Variants in GRK5 observed in about 807,000 individuals in gnomAD.
The protein encoded by GRK5 is G protein-coupled receptor kinase 5.
GRK5 carries 40 observed loss-of-function variants against 78.4 expected under a neutral mutation model. That is an observed-to-expected ratio of 0.51 (90% confidence interval 0.40 to 0.66). The LOEUF (loss-of-function observed/expected upper bound fraction) is 0.66. Among genes scored for constraint, GRK5 ranks in the 30% least tolerant of loss-of-function variants. The pLI is 0.00. For synonymous variants in GRK5, 289 were observed against 296.8 expected (o/e 0.97, Z 0.27); for missense variants, 598 against 759.9 (o/e 0.79, Z 2.50).
chr10:119,357,458 C>T (rs964725044), intron 2 of GRK5, among the ~76,000 whole-genome samples: 7 of 152,168 alleles, frequency 4.6e-5, no homozygotes, highest in South Asian at 4.1e-4. Context: ...TAATGAGACG[C>T]GGGTAACCCT....
At position 119,452,073 on chromosome 10, in the gene GRK5, C is replaced by A. The variant is rs1853298390; in HGVS notation, c.1405-598C>A. On this transcript the variant is annotated intron_variant, in intron 13 of 15. Transcript: ENST00000392870. The surrounding 1 kb of genome is among the most constrained non-coding windows in gnomAD (Gnocchi z 4.4). ...CCTGGCATAGAGCAGGCCCCCAGTGCACAGCTGAGGGACGAGTAAGGCAAA... is the reference window on the plus strand; with the variant it reads ...CCTGGCATAGAGCAGGCCCCCAGTGAACAGCTGAGGGACGAGTAAGGCAAA... Among the ~76,000 whole-genome samples the A allele has an allele frequency of 1.3e-5, 2 of 152,200 alleles. No homozygotes were observed. Among genetic ancestry groups the A allele is most frequent in the South Asian group, 4.1e-4 (2 of 4,830 alleles).
At chr10:119,435,188 T>A (rs1852894676) in intron 8 of GRK5, among the ~76,000 whole-genome samples, 1 of 152,260 alleles carries the variant, frequency 6.6e-6, no homozygotes, top group Non-Finnish European at 1.5e-5. Context: ...GGGGCTGCTG[T>A]GAAGACCTCT....
At chr10:119,373,978 A>G (rs1851587374) in intron 2 of GRK5, among the ~76,000 whole-genome samples, 1 of 152,086 alleles carries the variant, frequency 6.6e-6, no homozygotes, top group Admixed American at 6.5e-5. Context: ...AGTAGTAAAT[A>G]TCTCCCACTA....
At chr10:119,241,019 C>A (rs1399448824) in intron 1 of GRK5, among the ~76,000 whole-genome samples, 1 of 152,212 alleles carries the variant, frequency 6.6e-6, no homozygotes, top group Non-Finnish European at 1.5e-5. Flanking sequence ...GCTCTCAACC[C>A]TTTGCTGGGG....
chr10:119,390,505 G>A (rs542121780), intron 3 of GRK5, among the ~76,000 whole-genome samples: 1 of 152,226 alleles, frequency 6.6e-6, no homozygotes, highest in South Asian at 2.1e-4. Flanking sequence ...GACCAGCCTG[G>A]CCAATATGGT....
At position 119,318,767 on chromosome 10, in the gene GRK5, C is replaced by T. The variant is rs562920698; in HGVS notation, c.53-7749C>T. 7.4e-4 allele frequency among the ~76,000 whole-genome samples: 113 copies of T among 152,302 alleles called. 1 individual carries two copies. Among genetic ancestry groups the T allele is most frequent in the African/African-American group, 2.6e-3 (110 of 41,566 alleles). ...CTCCCCCATCCTCAGCTTCTCCCTT[C>T]TGTTCTCCACACCGGTTCATTTCAG... On this transcript the variant is annotated intron_variant, in intron 1 of 15. Coordinates refer to ENST00000392870, the MANE Select transcript of GRK5 (RefSeq NM_005308.3).
chr10:119,394,141 T>TGGGTGTGTGTG (rs1851940307), intron 3 of GRK5, among the ~76,000 whole-genome samples: 1 of 126,444 alleles, frequency 7.9e-6, no homozygotes, highest in African/African-American at 3.1e-5. Context: ...TGGGTATCTG[T>TGGGTGTGTGTG]GGGTATGTGT....
intron 2 of GRK5, among the ~76,000 whole-genome samples, chr10:119,355,614 T>C (rs1286806471): frequency 6.6e-6 from 1 of 152,214 alleles, no homozygotes; most frequent in Non-Finnish European, 1.5e-5. Context: ...CCCCTGTCTC[T>C]ATTAAAAATA....
At chr10:119,342,050 G>C (rs1191013017) in intron 2 of GRK5, among the ~76,000 whole-genome samples, 1 of 151,588 alleles carries the variant, frequency 6.6e-6, no homozygotes, top group African/African-American at 2.4e-5. Flanking sequence ...CGGCACAGCT[G>C]TCATGTCAGC....
intron 4 of GRK5, among the ~76,000 whole-genome samples, chr10:119,400,948 C>T (rs751540969): frequency 6.6e-6 from 1 of 152,142 alleles, no homozygotes; most frequent in Admixed American, 6.5e-5. Flanking sequence ...AGGATGAGGG[C>T]CGTGGGAAGG....
rs147173712 is a variant in GRK5 at position 119,389,662 on chromosome 10, G to A, written c.262-7033G>A. Among the ~76,000 whole-genome samples the A allele has an allele frequency of 1.5e-3, 235 of 152,322 alleles. No individual in the cohort carries two copies. In the Middle Eastern group the frequency reaches 0.017, roughly 11 times the overall value. On this transcript the variant is annotated intron_variant, in intron 3 of 15. Transcript: ENST00000392870. ...GGTCTGTGAGCCAAGGCAGGCCAACGAGTCCTTTCCCTGGAATTGATGGCC... is the reference window on the plus strand; with the variant it reads ...GGTCTGTGAGCCAAGGCAGGCCAACAAGTCCTTTCCCTGGAATTGATGGCC...
chr10:119,440,547 T>C (rs1237064675), intron 10 of GRK5, among the ~76,000 whole-genome samples: 3 of 131,024 alleles, frequency 2.3e-5, no homozygotes, highest in Non-Finnish European at 5.1e-5. Flanking sequence ...CTGGCTAGTT[T>C]TTGTATTTTT....
At chr10:119,367,861 C>T (rs186569676) in intron 2 of GRK5, among the ~76,000 whole-genome samples, 1 of 152,342 alleles carries the variant, frequency 6.6e-6, no homozygotes. Flanking sequence ...CATCAGTTGC[C>T]TCCACCTTCC....
intron 1 of GRK5, among the ~76,000 whole-genome samples, chr10:119,227,181 A>G (rs17606354): frequency 0.064 from 9,738 of 152,214 alleles, 350 homozygotes; most frequent in Middle Eastern, 0.21. Context: ...TTATCATCAC[A>G]TAGGAATAAT....
intron 1 of GRK5, among the ~76,000 whole-genome samples, chr10:119,228,237 G>T (rs1473093078): frequency 3.3e-5 from 5 of 151,896 alleles, no homozygotes; most frequent in African/African-American, 4.8e-5. Flanking sequence ...CCCAGCTACT[G>T]TGGAGGCTGA....
At chr10:119,446,876 C>G (rs1184070391) in intron 12 of GRK5, among the ~76,000 whole-genome samples, 1 of 152,218 alleles carries the variant, frequency 6.6e-6, no homozygotes, top group East Asian at 1.9e-4. Context: ...CAGTGCCTGC[C>G]CCACAAGGAC....
rs1321835577 is a variant in GRK5, at chr10:119,459,467, C to T, written c.*4400C>T. The T allele has an allele frequency of 6.6e-6, 1 of 152,220 alleles. No individual in the cohort carries two copies. 9.4% of individuals were successfully genotyped at this position (152,220 alleles called of 1,614,324 possible). Reference sequence around the variant, plus strand: ...CAAGAAGTCATTTTTGTAACAGTCCCTAAGCGAGTGTTCTCAATTAGAAGA... The same window carrying T: ...CAAGAAGTCATTTTTGTAACAGTCCTTAAGCGAGTGTTCTCAATTAGAAGA... On this transcript the variant is annotated 3_prime_UTR_variant, in exon 16 of 16. Coordinates refer to ENST00000392870, the MANE Select transcript of GRK5 (RefSeq NM_005308.3).
chr10:119,439,901 C>T, intron 10 of GRK5, 133 bp downstream of exon 10: 1 of 757,788 alleles, frequency 1.3e-6, no homozygotes, highest in South Asian at 1.6e-5. Flanking sequence ...TGCTGGGTAC[C>T]TGGGGAAGGG....
intron 2 of GRK5, among the ~76,000 whole-genome samples, chr10:119,354,609 C>G (rs1182235702): frequency 1.3e-5 from 2 of 151,952 alleles, no homozygotes; most frequent in Non-Finnish European, 2.9e-5. Flanking sequence ...GCCATGTTGC[C>G]CAGATTGGTC....
Sources: allele counts gnomAD v4.1 joint callset (sites outside exome capture counted in the v4.1 genomes callset), GRCh38; gene constraint gnomAD v4.1.1; non-coding constraint Gnocchi (gnomAD v3.1); transcripts MANE v1.5; gene names NCBI Gene and HGNC (gene_info 2026-07-23, HGNC 2026-07-21).